Variants in DAB1 observed in about 807,000 individuals in gnomAD.
DAB1 encodes the protein disabled homolog 1.
Under a neutral mutation model 64.6 loss-of-function variants are expected in DAB1, and 15 were observed. The observed-to-expected ratio is 0.23, with a 90% confidence interval of 0.16 to 0.36. The LOEUF (loss-of-function observed/expected upper bound fraction) is 0.36. Among genes scored for constraint, DAB1 ranks in the 10% least tolerant of loss-of-function variants. The pLI, the probability that DAB1 is intolerant of heterozygous loss-of-function variation, is 1.00. For synonymous variants in DAB1, 235 were observed against 251.9 expected, an observed-to-expected ratio of 0.93 and a Z score of 0.64; for missense variants, 596 against 706.7, an observed-to-expected ratio of 0.84 and a Z score of 1.78.
chr1:58,152,790 T>G (rs1570422615), intron 4 of DAB1, among the ~76,000 whole-genome samples: 1 of 152,196 alleles, frequency 6.6e-6, no homozygotes, highest in African/African-American at 2.4e-5. Flanking sequence ...GAGTAGTAAG[T>G]TCCAGTTTTA....
At chr1:57,232,281 C>T (rs1667733661) in intron 2 of DAB1, among the ~76,000 whole-genome samples, 1 of 47,428 alleles carries the variant, frequency 2.1e-5, no homozygotes, top group Non-Finnish European at 4.8e-5. Flanking sequence ...AAGGCAGTGG[C>T]CACTTTTTTT....
At chr1:57,493,297 C>T (rs1452644979) in intron 7 of DAB1, among the ~76,000 whole-genome samples, 1 of 152,106 alleles carries the variant, frequency 6.6e-6, no homozygotes, top group African/African-American at 2.4e-5. Flanking sequence ...TTTCTTCCTT[C>T]CTCCCCCCAG....
At chr1:57,974,456 T>C (rs1205441380) in intron 5 of DAB1, among the ~76,000 whole-genome samples, 1 of 152,132 alleles carries the variant, frequency 6.6e-6, no homozygotes, top group African/African-American at 2.4e-5. Context: ...CTTACCAATT[T>C]AATGAATGGC....
chr1:57,692,824 T>C lies in DAB1; in HGVS notation n.552-43159A>G, dbSNP rs1385800310. Among the ~76,000 whole-genome samples, 3 of 151,758 alleles carry C rather than the reference T, an allele frequency of 2.0e-5. No homozygotes were observed. The East Asian group carries it at 5.8e-4, about 29-fold the overall frequency. On this transcript the variant is annotated intron_variant and non_coding_transcript_variant, in intron 6 of 20. Transcript: ENST00000485760. The stretch of plus-strand genomic sequence containing the variant: ...ACTCTGCACCTTCTTAGGGGAAGAG[T>C]GTTGTTTTTACACTAACCAGTCAGG...
intron 5 of DAB1, among the ~76,000 whole-genome samples, chr1:57,922,563 G>C (rs867684310): frequency 6.6e-6 from 1 of 151,808 alleles, no homozygotes; most frequent in African/African-American, 2.4e-5. Flanking sequence ...TTTGTTCCCC[G>C]AAAAAATGTT....
chr1:58,473,955 T>C lies in DAB1; in HGVS notation n.257+32105A>G, dbSNP rs116224881. 16 of 1,275,712 alleles carry C rather than the reference T, an allele frequency of 1.3e-5. No individual in the cohort carries two copies. The Middle Eastern group carries it at 1.1e-3, about 86-fold the overall frequency. 79.0% of individuals were successfully genotyped at this position (1,275,712 alleles called of 1,614,324 possible). A position where few individuals can be genotyped will look rare whatever the true frequency, so the allele number is the denominator to read the frequency against. On this transcript the variant is annotated intron_variant and non_coding_transcript_variant, in intron 3 of 20. Transcript: ENST00000485760. The stretch of plus-strand genomic sequence containing the variant: ...CTGTTCTGGCTGTTCAATAAACTTC[T>C]CTTCCCGGACAAGCTGTCACATGCA...
intron 3 of DAB1, among the ~76,000 whole-genome samples, chr1:58,431,290 G>C (rs560066699): frequency 1.3e-5 from 2 of 152,206 alleles, no homozygotes; most frequent in South Asian, 4.1e-4. Flanking sequence ...CACTTAAAAA[G>C]AAAAAGTTCC....
intron 3 of DAB1, among the ~76,000 whole-genome samples, chr1:58,391,940 GAAATC>G (rs2100555838): frequency 6.6e-6 from 1 of 152,318 alleles, no homozygotes; most frequent in South Asian, 2.1e-4. Context: ...AGGGAGATGG[GAAATC>G]AAATAAGTCA....
intron 10 of DAB1, 67 bp downstream of exon 10, chr1:57,025,914 G>GAT: frequency 7.8e-7 from 1 of 1,285,374 alleles, no homozygotes. Context: ...CCCATATTCT[G>GAT]GCCACTGAGG....
intron 1 of DAB1, among the ~76,000 whole-genome samples, chr1:57,832,412 C>T (rs886809960): frequency 2.0e-5 from 3 of 152,242 alleles, no homozygotes; most frequent in Non-Finnish European, 2.9e-5. Flanking sequence ...CCTATGGAGA[C>T]GTATAGAGAA....
chr1:57,204,138 C>T lies in DAB1; in HGVS notation c.68-58709G>A, dbSNP rs554616036. ...CTCCTGACCTCAAGTGGTCTGCCCA[C>T]CTTAGCTTCACAAAGTGCTGGGATT... is the stretch of plus-strand genomic sequence containing the variant. On this transcript the variant is annotated intron_variant, in intron 2 of 14. Coordinates refer to ENST00000371236, the MANE Select transcript of DAB1 (RefSeq NM_001365792.1). Among the ~76,000 whole-genome samples the T allele has an allele frequency of 4.5e-4, 68 of 152,258 alleles. 1 individual carries two copies. In the South Asian group the frequency reaches 6.2e-3, roughly 14 times the overall value.
chr1:57,978,512 A>G (rs1238548886), intron 5 of DAB1, among the ~76,000 whole-genome samples: 1 of 152,188 alleles, frequency 6.6e-6, no homozygotes, highest in Non-Finnish European at 1.5e-5. Context: ...ACCGGAAAAG[A>G]CTTCATGTCT....
At chr1:57,224,817 C>G (rs951113496) in intron 2 of DAB1, among the ~76,000 whole-genome samples, 1 of 152,210 alleles carries the variant, frequency 6.6e-6, no homozygotes, top group Non-Finnish European at 1.5e-5. Context: ...AGGATGGGAG[C>G]TGGTTACCAG....
intron 7 of DAB1, among the ~76,000 whole-genome samples, chr1:57,482,631 A>T (rs555590195): frequency 6.6e-6 from 1 of 152,246 alleles, no homozygotes. Context: ...TTATTCACAA[A>T]TTTCAAATTG....
At chr1:58,335,808 T>C (rs7536548) in intron 4 of DAB1, among the ~76,000 whole-genome samples, 1 of 152,170 alleles carries the variant, frequency 6.6e-6, no homozygotes, top group East Asian at 1.9e-4. Context: ...AGTAACTGAA[T>C]GAATTATGGT....
intron 1 of DAB1, among the ~76,000 whole-genome samples, chr1:57,366,639 C>T (rs1680017491): frequency 2.0e-5 from 3 of 152,142 alleles, no homozygotes; most frequent in African/African-American, 7.2e-5. Context: ...TATCATATAC[C>T]AGATACTATT....
chr1:57,377,169 C>T (rs1464346309), intron 1 of DAB1, among the ~76,000 whole-genome samples: 2 of 151,908 alleles, frequency 1.3e-5, no homozygotes, highest in Admixed American at 1.3e-4. Context: ...ACGCTGGAGG[C>T]TGAGGAACGA....
chr1:58,124,696 G>A (rs928441927), intron 5 of DAB1, among the ~76,000 whole-genome samples: 2 of 152,196 alleles, frequency 1.3e-5, no homozygotes, highest in Non-Finnish European at 1.5e-5. Flanking sequence ...TGTAGATTGC[G>A]GAGTCAGTGA....
intron 6 of DAB1, among the ~76,000 whole-genome samples, chr1:57,698,090 CT>C (rs754182611): frequency 0.011 from 1,530 of 142,932 alleles, 17 homozygotes; most frequent in African/African-American, 0.03. Flanking sequence ...AACTTGTCCA[CT>C]TTTTTTTTTT....
Sources: gnomAD v4.1 joint callset for allele counts (sites outside exome capture counted in the v4.1 genomes callset) on GRCh38, gnomAD v4.1.1 for gene constraint, MANE v1.5 for transcripts, NCBI Gene and HGNC (gene_info 2026-07-23, HGNC 2026-07-21) for gene names.